Variants in PACSIN1 observed in about 807,000 individuals in gnomAD.
PACSIN1 encodes protein kinase C and casein kinase substrate in neurons protein 1.
PACSIN1 carries 15 observed loss-of-function variants against 59.5 expected under a neutral mutation model. The ratio of observed to expected loss-of-function variants is 0.25; its 90% CI spans 0.17 to 0.39. The LOEUF (loss-of-function observed/expected upper bound fraction) is 0.39. PACSIN1 is among the 10% of genes least tolerant of loss of function. The pLI, the probability that PACSIN1 is intolerant of heterozygous loss-of-function variation, is 1.00. For missense variants in PACSIN1, 420 were observed against 580.2 expected (o/e 0.72, Z 2.84); for synonymous variants, 210 against 220.6 (o/e 0.95, Z 0.42).
chr6:34,504,299 T>A (rs1401762421), intron 1 of PACSIN1, among the ~76,000 whole-genome samples: 57 of 146,394 alleles, frequency 3.9e-4, no homozygotes, highest in East Asian at 1.4e-3. Context: ...TATTTTTTTT[T>A]TTTTTTTTTT....
intron 1 of PACSIN1, among the ~76,000 whole-genome samples, chr6:34,508,101 T>G (rs376206893): frequency 0.083 from 12,325 of 149,380 alleles, 528 homozygotes; most frequent in Non-Finnish European, 0.091. Context: ...GTAGTTCTTT[T>G]TTTGTTTGTT....
At chr6:34,524,094 G>A (rs1767443081) in intron 1 of PACSIN1, among the ~76,000 whole-genome samples, 1 of 152,198 alleles carries the variant, frequency 6.6e-6, no homozygotes, top group Non-Finnish European at 1.5e-5. Context: ...TCCCTCATCT[G>A]GAAGCTGGAG....
At position 34,532,535 on chromosome 6, in the gene PACSIN1, C is replaced by T. The variant is rs994137808; in HGVS notation, c.*5C>T. On this transcript the variant is annotated 3_prime_UTR_variant, in exon 10 of 10. Transcript: ENST00000244458. This position sits in a 1 kb window ranked among gnomAD's most constrained non-coding sequence, Gnocchi z 5.2. ...AACTACGTGGAGGCTATCTAGAGGCCCCCTCCCTCCATACTCCCGTCACTC... is the reference window on the plus strand; with the variant it reads ...AACTACGTGGAGGCTATCTAGAGGCTCCCTCCCTCCATACTCCCGTCACTC... The T allele has an allele frequency of 7.4e-6, 11 of 1,492,664 alleles. No individual in the cohort carries two copies. Among genetic ancestry groups the T allele is most frequent in the Non-Finnish European group, 9.9e-6 (11 of 1,110,428 alleles). 92.5% of individuals were successfully genotyped at this position (1,492,664 alleles called of 1,614,324 possible).
chr6:34,474,919 C>G (rs1051471438), intron 1 of PACSIN1, among the ~76,000 whole-genome samples: 1 of 151,836 alleles, frequency 6.6e-6, no homozygotes, highest in African/African-American at 2.4e-5. Context: ...TTGGACCCAT[C>G]AAACACCCTG....
At chr6:34,478,753 TATAAAC>T (rs1766676280) in intron 1 of PACSIN1, among the ~76,000 whole-genome samples, 1 of 152,230 alleles carries the variant, frequency 6.6e-6, no homozygotes, top group South Asian at 2.1e-4. Context: ...TTTTTAAAAA[TATAAAC>T]ATATATAAAA....
intron 1 of PACSIN1, among the ~76,000 whole-genome samples, chr6:34,524,039 A>G (rs1349588528): frequency 6.6e-6 from 1 of 152,236 alleles, no homozygotes; most frequent in African/African-American, 2.4e-5. Flanking sequence ...GCAGGTTGGT[A>G]GCAGAGCAGG....
chr6:34,467,662 G>A (rs1406158893), intron 1 of PACSIN1, among the ~76,000 whole-genome samples: 5 of 149,800 alleles, frequency 3.3e-5, no homozygotes, highest in East Asian at 2.0e-4. Flanking sequence ...GGGTTCAAGC[G>A]ATTCTCCTGC....
Position 34,534,938 on chromosome 6 carries a change from GC to G in PACSIN1, c.*2411del, listed in dbSNP as rs1253417640. The G allele has an allele frequency of 1.3e-5, 2 of 152,716 alleles. No individual in the cohort carries two copies. Among genetic ancestry groups the G allele is most frequent in the Non-Finnish European group, 2.9e-5 (2 of 68,094 alleles). The allele number at this position is 152,716 out of a possible 1,614,324, so 9.5% of individuals were successfully genotyped here. Reference sequence around the variant, plus strand: ...TGCCTGCACCCACGATGCTGCACGGGCCCGCCCTGGTGGGGCTCGGCGAGTA... The same window carrying G: ...TGCCTGCACCCACGATGCTGCACGGGCCGCCCTGGTGGGGCTCGGCGAGTA... On this transcript the variant is annotated 3_prime_UTR_variant, in exon 10 of 10. Transcript: ENST00000244458.
rs1766826913 is a variant in PACSIN1 at position 34,488,543 on chromosome 6, GT to G, written c.-64+22275del. Among the ~76,000 whole-genome samples the G allele has an allele frequency of 6.6e-6, 1 of 152,158 alleles. No individual in the cohort carries two copies. The highest frequency in any genetic ancestry group is 1.5e-5 in the Non-Finnish European group (1 of 68,036). ...GATTTCTAAACTTGCAGTGCCCAGAGTTGTCCCTGGGTGTGGTGGTGAATGG... is the reference window on the plus strand; with the variant it reads ...GATTTCTAAACTTGCAGTGCCCAGAGTGTCCCTGGGTGTGGTGGTGAATGG... On this transcript the variant is annotated intron_variant, in intron 1 of 9. Transcript: ENST00000244458. The surrounding 1 kb of genome is among the most constrained non-coding windows in gnomAD (Gnocchi z 4.7).
rs1236295715 is a variant in PACSIN1, at chr6:34,531,719, A to G, written c.1157A>G (p.Lys386Arg). The G allele has an allele frequency of 1.7e-5, 27 of 1,610,470 alleles. No individual in the cohort carries two copies. The highest frequency in any genetic ancestry group is 1.8e-5 in the Non-Finnish European group (21 of 1,178,162). Residue 386 changes from lysine to arginine, a missense_variant, in exon 9 of 10, where the codon AAG becomes AGG. Physicochemically the swap from Lys to Arg is conservative, Grantham distance 26 (BLOSUM62 2). Coordinates refer to ENST00000244458, the MANE Select transcript of PACSIN1 (RefSeq NM_020804.5). This position sits in a 1 kb window ranked among gnomAD's most constrained non-coding sequence, Gnocchi z 4.4. ...GCCAACCCCTTTGAGGACGACTCCA[A>G]GGGAGTGCGCGTGCGGGCACTCTAC... ...GGANPFEDDSKGVRVRALYDY... is the reference protein window; with the variant it reads ...GGANPFEDDSRGVRVRALYDY...
intron 1 of PACSIN1, among the ~76,000 whole-genome samples, chr6:34,496,077 GAGAGGC>G (rs1766942074): frequency 6.6e-6 from 1 of 152,212 alleles, no homozygotes; most frequent in Admixed American, 6.5e-5. Context: ...CTGGAGAGCA[GAGAGGC>G]AGCAAGTTGT....
chr6:34,512,221 C>T (rs1422223216), intron 1 of PACSIN1, among the ~76,000 whole-genome samples: 2 of 151,300 alleles, frequency 1.3e-5, no homozygotes, highest in African/African-American at 4.9e-5. Context: ...GGTGGATGCT[C>T]TCTGTGCTGG....
Position 34,521,063 on chromosome 6 carries a change from A to G in PACSIN1, c.-63-5180A>G, listed in dbSNP as rs1406047060. 6.6e-6 allele frequency among the ~76,000 whole-genome samples: 1 copy of G among 152,206 alleles called. No individual in the cohort carries two copies. The highest frequency in any genetic ancestry group is 1.5e-5 in the Non-Finnish European group (1 of 68,040). Reference sequence around the variant, plus strand: ...AACAAAAGTGCACTGCGCACTTACTATGTTGCCGGCACTGCACTGGATGCT... The same window carrying G: ...AACAAAAGTGCACTGCGCACTTACTGTGTTGCCGGCACTGCACTGGATGCT... On this transcript the variant is annotated intron_variant, in intron 1 of 9. Coordinates refer to ENST00000244458, the MANE Select transcript of PACSIN1 (RefSeq NM_020804.5). This position sits in a 1 kb window ranked among gnomAD's most constrained non-coding sequence, Gnocchi z 4.3.
intron 4 of PACSIN1, 21 bp downstream of exon 4, chr6:34,528,898 CGGGCG>C: frequency 3.4e-6 from 1 of 298,364 alleles, no homozygotes; most frequent in Non-Finnish European, 6.2e-6. Flanking sequence ...GGTGCTGCCA[CGGGCG>C]GGGTGGGGTG....
In PACSIN1 at chr6:34,488,405, C is replaced by G. The variant is rs1290522318; in HGVS notation, c.-64+22135C>G. On this transcript the variant is annotated intron_variant, in intron 1 of 9. Coordinates refer to ENST00000244458, the MANE Select transcript of PACSIN1 (RefSeq NM_020804.5). This position sits in a 1 kb window ranked among gnomAD's most constrained non-coding sequence, Gnocchi z 4.7. ...GGTGACTCTGTGTTGTTGTTTTTTC[C>G]CTGCTGGTTTCTTGCCACAAGGGGC... is the stretch of plus-strand genomic sequence containing the variant. Among the ~76,000 whole-genome samples the G allele has an allele frequency of 6.6e-6, 1 of 152,072 alleles. No homozygotes were observed. Among genetic ancestry groups the G allele is most frequent in the South Asian group, 2.1e-4 (1 of 4,812 alleles).
intron 1 of PACSIN1, among the ~76,000 whole-genome samples, chr6:34,493,616 A>G (rs891067673): frequency 3.3e-5 from 5 of 152,230 alleles, no homozygotes; most frequent in African/African-American, 1.2e-4. Context: ...TGGTCCAGAC[A>G]TCACTGATTC....
rs757834401 is a variant in PACSIN1 at position 34,516,703 on chromosome 6, C to T, written c.-63-9540C>T. ...GGCCTGCCTCCTCTAGGCCCGGGCC[C>T]CTCCCTGTCAGGTTGCTGCTTCACA... On this transcript the variant is annotated intron_variant, in intron 1 of 9. Transcript: ENST00000244458. This position sits in a 1 kb window ranked among gnomAD's most constrained non-coding sequence, Gnocchi z 5.4. Among the ~76,000 whole-genome samples the T allele has an allele frequency of 1.4e-4, 22 of 152,196 alleles. No homozygotes were observed. The highest frequency in any genetic ancestry group is 2.6e-4 in the Non-Finnish European group (18 of 68,022).
rs984801411 is a variant in PACSIN1 at position 34,532,571 on chromosome 6, C to T, written c.*41C>T. ...ATACTCCCGTCACTCCTCCCCACTG[C>T]CGCCCCTCCCCTCCCACTCTCGTCT... On this transcript the variant is annotated 3_prime_UTR_variant, in exon 10 of 10. Coordinates refer to ENST00000244458, the MANE Select transcript of PACSIN1 (RefSeq NM_020804.5). This position sits in a 1 kb window ranked among gnomAD's most constrained non-coding sequence, Gnocchi z 5.2. 7 of 1,094,784 alleles carry T rather than the reference C, an allele frequency of 6.4e-6. No individual in the cohort carries two copies. Among genetic ancestry groups the T allele is most frequent in the Non-Finnish European group, 9.4e-6 (7 of 744,066 alleles). 67.8% of individuals were successfully genotyped at this position (1,094,784 alleles called of 1,614,324 possible).
Position 34,481,368 on chromosome 6 carries a change from C to A in PACSIN1, c.-64+15098C>A, listed in dbSNP as rs143954587. On this transcript the variant is annotated intron_variant, in intron 1 of 9. Coordinates refer to ENST00000244458, the MANE Select transcript of PACSIN1 (RefSeq NM_020804.5). ...CCTGGCTTCTGACATCTTTTTCATA[C>A]GTTCACACGGGTTTTTGAAAATGCC... 1.0e-3 allele frequency among the ~76,000 whole-genome samples: 157 copies of A among 152,258 alleles called. 2 individuals carry two copies. Among genetic ancestry groups the A allele is most frequent in the African/African-American group, 3.3e-3 (139 of 41,548 alleles).
Sources: gnomAD v4.1 joint callset for allele counts (sites outside exome capture counted in the v4.1 genomes callset) on GRCh38, gnomAD v4.1.1 for gene constraint, Gnocchi (gnomAD v3.1) non-coding constraint, MANE v1.5 for transcripts, NCBI Gene and HGNC (gene_info 2026-07-23, HGNC 2026-07-21) for gene names.